Variants in TUT7 observed in about 807,000 individuals in gnomAD.
The protein encoded by TUT7 is terminal uridylyl transferase 7.
In TUT7, 33 loss-of-function variants were observed where a neutral mutation model predicts 165.9. The observed-to-expected ratio is 0.20, with a 90% CI of 0.15 to 0.27. The LOEUF is 0.27. Among genes scored for constraint, TUT7 ranks in the 10% least tolerant of loss-of-function variants. The pLI, the probability that TUT7 is intolerant of heterozygous loss-of-function variation, is 1.00. For missense variants in TUT7, 1,338 were observed against 1,762.3 expected (o/e 0.76, Z 4.31); for synonymous variants, 552 against 608.1 (o/e 0.91, Z 1.36).
rs2131454713 is a variant in TUT7 at position 86,325,206 on chromosome 9, ATTTCCC to A, written c.1789+122_1789+127del. ...AACACATGCAAGATTCTAACTATTT[ATTTCCC>A]TTTGAGGGCAGGCCTACCTTACTTG... On this transcript the variant is annotated intron_variant, in intron 12 of 26. Coordinates refer to ENST00000375963, the MANE Select transcript of TUT7 (RefSeq NM_024617.4). The A allele has an allele frequency of 3.7e-6, 3 of 812,602 alleles. No homozygotes were observed. In the South Asian group the frequency reaches 5.6e-5, roughly 15 times the overall value. The allele number at this position is 812,602 out of a possible 1,614,324, so 50.3% of individuals were successfully genotyped here.
Position 86,322,488 on chromosome 9 carries a change from G to A in TUT7, c.2878-13C>T. On this transcript the variant is annotated splice_polypyrimidine_tract_variant and intron_variant, in intron 13 of 26. Coordinates refer to ENST00000375963, the MANE Select transcript of TUT7 (RefSeq NM_024617.4). ...CTACCGTAGGAGACTGCAGGAATAT[G>A]GCAAAGCAAAACAAGACTTAACACT... 1 of 1,595,778 alleles carries A rather than the reference G, an allele frequency of 6.3e-7. No individual in the cohort carries two copies. Among genetic ancestry groups the A allele is most frequent in the Non-Finnish European group, 8.5e-7 (1 of 1,174,204 alleles).
At chr9:86,353,743 AG>A (rs1832502212) in intron 1 of TUT7, among the ~76,000 whole-genome samples, 1 of 152,186 alleles carries the variant, frequency 6.6e-6, no homozygotes, top group Admixed American at 6.5e-5. Flanking sequence ...TATTCTGGAC[AG>A]ACCGGCTTTG....
chr9:86,329,250 A>G (rs1418584100), intron 10 of TUT7, among the ~76,000 whole-genome samples: 1 of 152,176 alleles, frequency 6.6e-6, no homozygotes, highest in Admixed American at 6.5e-5. Context: ...CAGGCCACGC[A>G]TGGTGGCTCA....
intron 10 of TUT7, among the ~76,000 whole-genome samples, chr9:86,332,079 T>C (rs1219068927): frequency 6.6e-6 from 1 of 151,974 alleles, no homozygotes; most frequent in Non-Finnish European, 1.5e-5. Flanking sequence ...CAGAATACTA[T>C]TAAAAAGTCA....
chr9:86,315,611 A>C (rs1207030439), intron 17 of TUT7, among the ~76,000 whole-genome samples: 1 of 152,244 alleles, frequency 6.6e-6, no homozygotes, highest in Admixed American at 6.5e-5. Flanking sequence ...AGTCACGCTA[A>C]CTTAGTACTT....
At chr9:86,343,686 C>T (rs140086509) in intron 5 of TUT7, among the ~76,000 whole-genome samples, 38 of 152,152 alleles carry the variant, frequency 2.5e-4, no homozygotes, top group African/African-American at 9.2e-4. Context: ...ATGAATTTCT[C>T]ATTATATTAT....
intron 10 of TUT7, 52 bp from the exon 11 acceptor site, chr9:86,328,544 AAC>A (rs1203977490): frequency 6.8e-6 from 10 of 1,463,392 alleles, no homozygotes; most frequent in Non-Finnish European, 8.3e-6. Flanking sequence ...TCTTATATCA[AAC>A]ACAGTCTACT....
chr9:86,343,753 A>G (rs1283915315), intron 5 of TUT7, among the ~76,000 whole-genome samples: 3 of 152,222 alleles, frequency 2.0e-5, no homozygotes, highest in African/African-American at 4.8e-5. Context: ...AATAATTACA[A>G]TATCACTGAC....
chr9:86,309,308 C>T lies in TUT7; in HGVS notation c.3583-19G>A. On this transcript the variant is annotated intron_variant, in intron 20 of 26. Coordinates refer to ENST00000375963, the MANE Select transcript of TUT7 (RefSeq NM_024617.4). ...TGTATATCTGAAATTAATTTTTAAA[C>T]TATTAGTATGGATTACAAACTTAAT... is the stretch of plus-strand genomic sequence containing the variant. 1 of 1,493,854 alleles carries T rather than the reference C, an allele frequency of 6.7e-7. No individual in the cohort carries two copies. Among genetic ancestry groups the T allele is most frequent in the East Asian group, 2.3e-5 (1 of 44,144 alleles). 92.5% of individuals were successfully genotyped at this position (1,493,854 alleles called of 1,614,324 possible).
chr9:86,351,548 G>T (rs1588029610), intron 2 of TUT7, among the ~76,000 whole-genome samples: 1 of 152,188 alleles, frequency 6.6e-6, no homozygotes, highest in East Asian at 1.9e-4. Context: ...AAGTGCTTGA[G>T]ACTTTCATTT....
chr9:86,333,517 G>T (rs1279227788), intron 10 of TUT7, among the ~76,000 whole-genome samples: 1 of 152,050 alleles, frequency 6.6e-6, no homozygotes, highest in Non-Finnish European at 1.5e-5. Flanking sequence ...GAGCCCAAAG[G>T]CATTGTTCAT....
chr9:86,301,846 G>A, intron 25 of TUT7: 3 of 985,320 alleles, frequency 3.0e-6, no homozygotes, highest in African/African-American at 1.7e-5. Context: ...ACCAATGACT[G>A]CAATTAGTGG....
At chr9:86,315,594 A>C (rs1828630933) in intron 17 of TUT7, among the ~76,000 whole-genome samples, 1 of 152,254 alleles carries the variant, frequency 6.6e-6, no homozygotes, top group African/African-American at 2.4e-5. Flanking sequence ...AGTACTAAAA[A>C]ATTAATAGTC....
intron 19 of TUT7, 37 bp downstream of exon 19, chr9:86,309,891 A>G (rs771212912): frequency 6.4e-7 from 1 of 1,564,108 alleles, no homozygotes; most frequent in East Asian, 2.2e-5. Context: ...AGATGCAATG[A>G]AATTTCCTGA....
At chr9:86,304,529 C>A (rs1161744197) in intron 24 of TUT7, among the ~76,000 whole-genome samples, 1 of 151,874 alleles carries the variant, frequency 6.6e-6, no homozygotes, top group East Asian at 1.9e-4. Context: ...TGGGCTTGGC[C>A]AAGGCTGGCA....
intron 17 of TUT7, among the ~76,000 whole-genome samples, chr9:86,315,762 T>TA (rs1362895191): frequency 3.4e-4 from 46 of 134,928 alleles, no homozygotes; most frequent in African/African-American, 1.4e-3. Flanking sequence ...TCTTTTTTTT[T>TA]TATATTGTTC....
intron 22 of TUT7, among the ~76,000 whole-genome samples, chr9:86,307,897 G>A (rs1827658770): frequency 6.6e-6 from 1 of 152,142 alleles, no homozygotes. Flanking sequence ...AGGTGGCTGA[G>A]GCAGGAGAAT....
At chr9:86,303,488 C>A (rs1420641066) in intron 24 of TUT7, among the ~76,000 whole-genome samples, 2 of 152,144 alleles carry the variant, frequency 1.3e-5, no homozygotes, top group African/African-American at 4.8e-5. Flanking sequence ...GATGAGTCAG[C>A]TTTTCAGGAT....
chr9:86,298,166 C>T (rs1396144078), intron 26 of TUT7, among the ~76,000 whole-genome samples: 6 of 152,074 alleles, frequency 3.9e-5, no homozygotes, highest in Non-Finnish European at 7.4e-5. Context: ...GTTATTTCTT[C>T]CTAGCATTTG....
Sources: allele counts gnomAD v4.1 joint callset (sites outside exome capture counted in the v4.1 genomes callset), GRCh38; gene constraint gnomAD v4.1.1; transcripts MANE v1.5; gene names NCBI Gene and HGNC (gene_info 2026-07-23, HGNC 2026-07-21).